The following GDPD4 variants were observed in gnomAD, a reference collection of about 807,000 sequenced individuals.
GDPD4 encodes the protein glycerophosphodiester phosphodiesterase 6.
A neutral mutation model predicts 67.8 loss-of-function variants in GDPD4; 60 were observed. The ratio of observed to expected loss-of-function variants is 0.88; its 90% CI spans 0.72 to 1.10. The LOEUF (loss-of-function observed/expected upper bound fraction) is 1.10. Ranked by LOEUF, GDPD4 falls within the 50% of genes least tolerant of loss-of-function variation. The pLI is 0.00. For synonymous variants in GDPD4, 212 were observed against 210.9 expected (o/e 1.00, Z -0.04); for missense variants, 623 against 613.9 (o/e 1.01, Z -0.16).
At chr11:77,274,482 A>C (rs548924437) in intron 5 of GDPD4, among the ~76,000 whole-genome samples, 26 of 152,130 alleles carry the variant, frequency 1.7e-4, no homozygotes, top group African/African-American at 6.0e-4. Flanking sequence ...TGGTTGTTTA[A>C]AAGGGCCTGG....
At chr11:77,227,312 A>G (rs1958361380) in intron 16 of GDPD4, among the ~76,000 whole-genome samples, 1 of 152,210 alleles carries the variant, frequency 6.6e-6, no homozygotes, top group African/African-American at 2.4e-5. Context: ...TGGTTTAGCA[A>G]TTCCAGGACC....
At chr11:77,284,495 A>C (rs1399667905) in intron 3 of GDPD4, among the ~76,000 whole-genome samples, 1 of 152,194 alleles carries the variant, frequency 6.6e-6, no homozygotes, top group Non-Finnish European at 1.5e-5. Flanking sequence ...TAAAAGCCCC[A>C]TATCCGAACA....
intron 13 of GDPD4, among the ~76,000 whole-genome samples, chr11:77,235,871 G>T (rs1227511023): frequency 6.6e-6 from 1 of 151,848 alleles, no homozygotes; most frequent in Non-Finnish European, 1.5e-5. Context: ...CAGAAAGATG[G>T]CTTGAGCCTA....
At chr11:77,283,882 G>T (rs1360005316) in intron 3 of GDPD4, among the ~76,000 whole-genome samples, 3 of 145,564 alleles carry the variant, frequency 2.1e-5, no homozygotes, top group African/African-American at 7.7e-5. Context: ...TTGAGTCAGG[G>T]TCTGGCTCTG....
At chr11:77,238,005 T>TA (rs1214918821) in intron 13 of GDPD4, among the ~76,000 whole-genome samples, 1 of 152,112 alleles carries the variant, frequency 6.6e-6, no homozygotes, top group Admixed American at 6.5e-5. Context: ...TTTTCTACCC[T>TA]AAAAAAGCCA....
chr11:77,256,488 A>G (rs1031762186), intron 11 of GDPD4, among the ~76,000 whole-genome samples: 86 of 152,348 alleles, frequency 5.6e-4, no homozygotes, highest in African/African-American at 2.0e-3. Context: ...ACTTTCAGCT[A>G]TTTCTTATAT....
At chr11:77,251,203 G>A (rs1055146041) in intron 11 of GDPD4, among the ~76,000 whole-genome samples, 1 of 152,042 alleles carries the variant, frequency 6.6e-6, no homozygotes, top group Non-Finnish European at 1.5e-5. Flanking sequence ...TGTTTGTTTT[G>A]TATATTCTTT....
At chr11:77,265,735 C>T (rs538369101) in intron 10 of GDPD4, among the ~76,000 whole-genome samples, 1 of 152,224 alleles carries the variant, frequency 6.6e-6, no homozygotes, top group Non-Finnish European at 1.5e-5. Flanking sequence ...CATGTGCAGA[C>T]ATATCACCAC....
chr11:77,238,675 T>C (rs1198058363), intron 13 of GDPD4, among the ~76,000 whole-genome samples: 1 of 150,718 alleles, frequency 6.6e-6, no homozygotes, highest in Non-Finnish European at 1.5e-5. Flanking sequence ...AATAGACCAA[T>C]AACAAGGAGT....
intron 13 of GDPD4, among the ~76,000 whole-genome samples, chr11:77,234,239 T>C (rs1369215581): frequency 6.6e-6 from 1 of 152,164 alleles, no homozygotes; most frequent in Non-Finnish European, 1.5e-5. Flanking sequence ...GTTAGAATTG[T>C]CTCTGAACCA....
chr11:77,274,169 G>T (rs1198577675), intron 5 of GDPD4, among the ~76,000 whole-genome samples: 1 of 152,136 alleles, frequency 6.6e-6, no homozygotes, highest in Non-Finnish European at 1.5e-5. Context: ...TATCAATAAG[G>T]CCTATTTGTT....
At chr11:77,228,051 C>A in intron 15 of GDPD4, 135 bp from the exon 16 acceptor site, 1 of 725,532 alleles carries the variant, frequency 1.4e-6, no homozygotes, top group Non-Finnish European at 2.5e-6. Flanking sequence ...TGCAAGGATT[C>A]CCAAATGTCA....
Position 77,258,495 on chromosome 11 carries a change from G to T in GDPD4, c.755C>A (p.Thr252Lys). Residue 252 changes from threonine to lysine, a missense_variant, in exon 11 of 17, where the codon ACA becomes AAA. Transcript: ENST00000315938. ...FLMHDFDLKR[T>K]TNIGEVQPES... is the part of the protein sequence containing the mutation. ...TGGCTGAACTTCCCCAATATTGGTT[G>T]TTCTTTTCAGGTCAAAGTCATGCAT... is the stretch of plus-strand genomic sequence containing the variant. 1 of 1,614,042 alleles carries T rather than the reference G, an allele frequency of 6.2e-7. No homozygotes were observed.
At chr11:77,255,313 T>A (rs1448263920) in intron 11 of GDPD4, among the ~76,000 whole-genome samples, 1 of 152,136 alleles carries the variant, frequency 6.6e-6, no homozygotes, top group Non-Finnish European at 1.5e-5. Flanking sequence ...ACATCTGTAA[T>A]CCCAGCACTT....
intron 2 of GDPD4, 132 bp from the exon 3 acceptor site, chr11:77,285,319 T>G: frequency 1.7e-6 from 1 of 585,252 alleles, no homozygotes; most frequent in Non-Finnish European, 3.0e-6. Flanking sequence ...GAGTGATCAC[T>G]CTCTTCTTTT....
intron 5 of GDPD4, among the ~76,000 whole-genome samples, chr11:77,275,411 C>T (rs1001662272): frequency 1.3e-5 from 2 of 152,074 alleles, no homozygotes; most frequent in Non-Finnish European, 2.9e-5. Context: ...TAAAGATATC[C>T]AAACCCAAGA....
intron 16 of GDPD4, among the ~76,000 whole-genome samples, chr11:77,226,427 A>C (rs1156491531): frequency 6.6e-6 from 1 of 151,932 alleles, no homozygotes; most frequent in African/African-American, 2.4e-5. Flanking sequence ...GAGAGACCCG[A>C]GATCCCACTC....
At chr11:77,252,050 GTTT>G (rs1958910848) in intron 11 of GDPD4, among the ~76,000 whole-genome samples, 2 of 71,928 alleles carry the variant, frequency 2.8e-5, no homozygotes, top group African/African-American at 1.1e-4. Flanking sequence ...TTTTTTGTTT[GTTT>G]GTTTTTTTTT....
chr11:77,270,824 T>C (rs1307660252), intron 7 of GDPD4: 3 of 278,786 alleles, frequency 1.1e-5, no homozygotes, highest in Non-Finnish European at 2.0e-5. Context: ...CAGCCTCTAC[T>C]GCGTCACCCA....
Sources: gnomAD v4.1 joint callset for allele counts (sites outside exome capture counted in the v4.1 genomes callset) on GRCh38, gnomAD v4.1.1 for gene constraint, MANE v1.5 for transcripts, NCBI Gene and HGNC (gene_info 2026-07-23, HGNC 2026-07-21) for gene names.